DCTN3: variants seen among roughly 807,000 people sequenced by gnomAD.
DCTN3 encodes dynactin 3 (p22).
DCTN3 carries 25 observed loss-of-function variants against 28.4 expected under a neutral mutation model. That is an observed-to-expected ratio of 0.88 (90% confidence interval 0.64 to 1.23). The LOEUF is 1.23. DCTN3 is among the 50% of genes most tolerant of loss of function. The pLI is 0.00. For synonymous variants in DCTN3, 81 were observed against 91.4 expected, an observed-to-expected ratio of 0.89 and a Z score of 0.65; for missense variants, 229 against 232.0, an observed-to-expected ratio of 0.99 and a Z score of 0.08.
chr9:34,618,533 T>C (rs1174577770), intron 2 of DCTN3, 143 bp downstream of exon 2: 4 of 676,856 alleles, frequency 5.9e-6, no homozygotes, highest in South Asian at 1.7e-5. Context: ...ACCAATTGAA[T>C]TGGGTGTAGG....
chr9:34,620,231 T>C, intron 1 of DCTN3, 138 bp downstream of exon 1: 1 of 791,338 alleles, frequency 1.3e-6, no homozygotes, highest in Non-Finnish European at 2.1e-6. Flanking sequence ...TCCAATCAGC[T>C]CTGGGAGGTC....
Position 34,614,788 on chromosome 9 carries a change from C to A in DCTN3, c.353-20G>T. 1 of 1,613,812 alleles carries A rather than the reference C, an allele frequency of 6.2e-7. No individual in the cohort carries two copies. Among genetic ancestry groups the A allele is most frequent in the Non-Finnish European group, 8.5e-7 (1 of 1,179,992 alleles). On this transcript the variant is annotated intron_variant, in intron 4 of 6. Coordinates refer to ENST00000259632, the MANE Select transcript of DCTN3 (RefSeq NM_007234.5). ...GAACGGCTGTAAAACACAACACACA[C>A]TGCTGGATGATGCTTGTGCCCTCCC... is the stretch of plus-strand genomic sequence containing the variant.
intron 5 of DCTN3, 112 bp from the exon 6 acceptor site, chr9:34,614,213 G>C: frequency 6.3e-7 from 1 of 1,595,388 alleles, no homozygotes; most frequent in Non-Finnish European, 8.6e-7. Flanking sequence ...AAAAGATGAC[G>C]CTTAACCCCA....
intron 1 of DCTN3, among the ~76,000 whole-genome samples, chr9:34,619,546 A>AG (rs1403492464): frequency 6.6e-6 from 1 of 152,204 alleles, no homozygotes; most frequent in Non-Finnish European, 1.5e-5. Context: ...GAGGAATGCC[A>AG]GGGGGGAGGC....
chr9:34,617,496 A>G (rs1331598469), intron 3 of DCTN3: 1 of 504,038 alleles, frequency 2.0e-6, no homozygotes, highest in African/African-American at 2.0e-5. Context: ...TCTCACATGA[A>G]AGAAAGATGT....
intron 1 of DCTN3, 133 bp from the exon 2 acceptor site, chr9:34,618,893 T>C: frequency 1.5e-6 from 1 of 686,194 alleles, no homozygotes; most frequent in Non-Finnish European, 2.7e-6. Flanking sequence ...TTCTCTAATA[T>C]TAAAGGAGAT....
intron 6 of DCTN3, 63 bp downstream of exon 6, chr9:34,613,979 G>A: frequency 6.2e-7 from 1 of 1,606,168 alleles, no homozygotes; most frequent in Non-Finnish European, 8.5e-7. Context: ...AGCTAGAGGT[G>A]GAACAAAAGG....
At position 34,613,591 on chromosome 9, in the gene DCTN3, T is replaced by G; in HGVS notation, c.*191A>C. ...ATTGTCACTGAAATAAGAACACTGATTGGGGGGAGGGTGGGTGTTGCAAAT... is the reference window on the plus strand; with the variant it reads ...ATTGTCACTGAAATAAGAACACTGAGTGGGGGGAGGGTGGGTGTTGCAAAT... On this transcript the variant is annotated 3_prime_UTR_variant, in exon 7 of 7. Coordinates refer to ENST00000259632, the MANE Select transcript of DCTN3 (RefSeq NM_007234.5). The G allele has an allele frequency of 5.8e-6, 3 of 513,984 alleles. No individual in the cohort carries two copies. The highest frequency in any genetic ancestry group is 4.3e-5 in the East Asian group (1 of 23,150). The allele number at this position is 513,984 out of a possible 1,614,324, so 31.8% of individuals were successfully genotyped here. A position where few individuals can be genotyped will look rare whatever the true frequency, so the allele number is the denominator to read the frequency against.
intron 4 of DCTN3, 119 bp from the exon 5 acceptor site, chr9:34,614,887 G>A: frequency 8.5e-7 from 1 of 1,182,940 alleles, no homozygotes; most frequent in Non-Finnish European, 1.2e-6. Flanking sequence ...ACAAACGCCA[G>A]ACTTCATCGA....
At chr9:34,618,332 A>G (rs1223696658) in intron 2 of DCTN3, among the ~76,000 whole-genome samples, 3 of 152,098 alleles carry the variant, frequency 2.0e-5, no homozygotes, top group African/African-American at 4.8e-5. Context: ...TAAGCAGGTT[A>G]CTAGTTCTGA....
Position 34,614,105 on chromosome 9 carries a change from T to TA in DCTN3, c.412-5dup, listed in dbSNP as rs1340713948. 6.2e-7 allele frequency: 1 copy of TA among 1,614,132 alleles called. No individual in the cohort carries two copies. ...CAGTGATTTCCACACACTGGTCCTG[T>TA]AGGGCCAAAGTGTAGCACAGAAAGG... On this transcript the variant is annotated splice_polypyrimidine_tract_variant and splice_region_variant and intron_variant, in intron 5 of 6. Coordinates refer to ENST00000259632, the MANE Select transcript of DCTN3 (RefSeq NM_007234.5).
chr9:34,618,792 A>C lies in DCTN3; in HGVS notation c.97-32T>G, dbSNP rs1353676234. On this transcript the variant is annotated intron_variant, in intron 1 of 6. Coordinates refer to ENST00000259632, the MANE Select transcript of DCTN3 (RefSeq NM_007234.5). Reference sequence around the variant, plus strand: ...GGGAAGTGGTGGTTAATTCCAAGATATACTACCTGGCTCAAGGCTTGGAAA... The same window carrying C: ...GGGAAGTGGTGGTTAATTCCAAGATCTACTACCTGGCTCAAGGCTTGGAAA... 5 of 1,541,220 alleles carry C rather than the reference A, an allele frequency of 3.2e-6. No homozygotes were observed. The Admixed American group carries it at 8.3e-5, about 26-fold the overall frequency.
At chr9:34,617,773 A>C in intron 3 of DCTN3, 112 bp downstream of exon 3, 1 of 1,543,822 alleles carries the variant, frequency 6.5e-7, no homozygotes, top group Non-Finnish European at 8.8e-7. Flanking sequence ...TCCAGAGAGC[A>C]GCATCCAGGG....
intron 1 of DCTN3, 143 bp from the exon 2 acceptor site, chr9:34,618,903 T>C: frequency 1.5e-6 from 1 of 665,988 alleles, no homozygotes; most frequent in Non-Finnish European, 2.7e-6. Context: ...TTAAAGGAGA[T>C]GCAGCCCCAC....
intron 3 of DCTN3, chr9:34,617,626 G>C (rs1442521956): frequency 7.2e-7 from 1 of 1,398,444 alleles, no homozygotes; most frequent in South Asian, 1.2e-5. Flanking sequence ...GAAAATCCAA[G>C]AGGCAAACTA....
rs578239969 is a variant in DCTN3 at position 34,617,021 on chromosome 9, T to A, written c.268+864A>T. On this transcript the variant is annotated intron_variant, in intron 3 of 6. Coordinates refer to ENST00000259632, the MANE Select transcript of DCTN3 (RefSeq NM_007234.5). ...ATTCATATGCAAGTGGATGCACAATTCCTGAGGCAGTGCCACAGGGAGGGA... is the reference window on the plus strand; with the variant it reads ...ATTCATATGCAAGTGGATGCACAATACCTGAGGCAGTGCCACAGGGAGGGA... 1.4e-4 allele frequency among the ~76,000 whole-genome samples: 21 copies of A among 152,274 alleles called. No individual in the cohort carries two copies. In the South Asian group the frequency reaches 4.4e-3, roughly 32 times the overall value.
At chr9:34,614,564 G>A (rs970259742) in intron 5 of DCTN3, 146 bp downstream of exon 5, 3 of 856,372 alleles carry the variant, frequency 3.5e-6, no homozygotes, top group East Asian at 5.2e-5. Context: ...TACCTCCCTG[G>A]GGCATATGCA....
At chr9:34,618,094 T>G (rs1184228973) in intron 2 of DCTN3, 123 bp from the exon 3 acceptor site, 5 of 901,848 alleles carry the variant, frequency 5.5e-6, no homozygotes, top group Non-Finnish European at 8.3e-6. Flanking sequence ...TACCCAACAG[T>G]GCCACATGAG....
intron 5 of DCTN3, 165 bp downstream of exon 5, chr9:34,614,545 A>G: frequency 4.1e-6 from 3 of 730,488 alleles, no homozygotes; most frequent in Non-Finnish European, 6.7e-6. Flanking sequence ...GAACCTAGGC[A>G]AGTCCCTTTA....
Sources: allele counts gnomAD v4.1 joint callset (sites outside exome capture counted in the v4.1 genomes callset), GRCh38; gene constraint gnomAD v4.1.1; transcripts MANE v1.5; gene names NCBI Gene and HGNC (gene_info 2026-07-23, HGNC 2026-07-21).